WNT3: variants seen among roughly 807,000 people sequenced by gnomAD.
WNT3 encodes the protein Wnt family member 3, also known as proto-oncogene Wnt-3.
Under a neutral mutation model 34.2 loss-of-function variants are expected in WNT3, and 7 were observed. The ratio of observed to expected loss-of-function variants is 0.20; its 90% confidence interval spans 0.12 to 0.38. The LOEUF (loss-of-function observed/expected upper bound fraction) is 0.38, where lower values mean the gene tolerates loss of function less well. WNT3 is among the 10% of genes least tolerant of loss of function. WNT3 has a pLI of 1.00. For missense variants in WNT3, 267 were observed against 499.8 expected, an observed-to-expected ratio of 0.53 and a Z score of 4.44; for synonymous variants, 212 against 211.5, an observed-to-expected ratio of 1.00 and a Z score of -0.02.
intron 1 of WNT3, among the ~76,000 whole-genome samples, chr17:46,786,199 G>T (rs568207624): frequency 6.6e-6 from 1 of 152,012 alleles, no homozygotes; most frequent in Admixed American, 6.5e-5. Context: ...CTGGGGAGGA[G>T]GAAAGAGAGT....
In WNT3 at chr17:46,768,413, C is replaced by T; in HGVS notation, c.975G>A (p.Lys325=). 4 of 1,613,990 alleles carry T rather than the reference C, an allele frequency of 2.5e-6. No homozygotes were observed. The highest frequency in any genetic ancestry group is 3.4e-6 in the Non-Finnish European group (4 of 1,180,026). The change falls in exon 4 of 5, where the codon AAG becomes AAA. Residue 325 remains lysine (K), a synonymous_variant. Coordinates refer to ENST00000225512, the MANE Select transcript of WNT3 (RefSeq NM_030753.5). The surrounding 1 kb of genome is among the most constrained non-coding windows in gnomAD (Gnocchi z 5.0). ...CGRGHNTRTE[K]RKEKCHCIFH... The stretch of plus-strand genomic sequence containing the variant: ...AGATGCAGTGGCATTTTTCCTTCCG[C>T]TTCTCCGTCCTCGTGTTGTGGCCCC...
chr17:46,765,151 C>T (rs539765303), intron 4 of WNT3, among the ~76,000 whole-genome samples: 1 of 152,352 alleles, frequency 6.6e-6, no homozygotes, highest in African/African-American at 2.4e-5. Context: ...GGGTTTGAGG[C>T]ATTCCCAGTC....
At chr17:46,778,031 G>C (rs929960595) in intron 1 of WNT3, among the ~76,000 whole-genome samples, 3 of 152,142 alleles carry the variant, frequency 2.0e-5, no homozygotes, top group African/African-American at 7.2e-5. Context: ...TTCTTTATCG[G>C]TAAAATAGAC....
At chr17:46,772,494 A>C (rs1338391553) in intron 2 of WNT3, among the ~76,000 whole-genome samples, 1 of 152,238 alleles carries the variant, frequency 6.6e-6, no homozygotes, top group Non-Finnish European at 1.5e-5. Context: ...GGGGCACCGG[A>C]AAGCGCTGAG....
chr17:46,784,465 G>A (rs1385044389), intron 1 of WNT3, among the ~76,000 whole-genome samples: 2 of 152,094 alleles, frequency 1.3e-5, no homozygotes, highest in African/African-American at 4.8e-5. Flanking sequence ...TGGGCACACG[G>A]TGGGAGGACA....
At chr17:46,783,679 C>G (rs1224028929) in intron 1 of WNT3, among the ~76,000 whole-genome samples, 2 of 152,168 alleles carry the variant, frequency 1.3e-5, no homozygotes, top group African/African-American at 4.8e-5. Context: ...CAAGTGTGTC[C>G]TCACTGCCTC....
At chr17:46,815,275 G>T (rs1350533847) in intron 1 of WNT3, among the ~76,000 whole-genome samples, 2 of 152,090 alleles carry the variant, frequency 1.3e-5, no homozygotes, top group Non-Finnish European at 2.9e-5. Context: ...TTCCTGTCCC[G>T]GCTCTGTCAC....
intron 1 of WNT3, among the ~76,000 whole-genome samples, chr17:46,816,133 A>T (rs140707264): frequency 2.7e-5 from 1 of 37,582 alleles, no homozygotes; most frequent in Non-Finnish European, 5.9e-5. Context: ...ACACACACTC[A>T]CACACACGCA....
At chr17:46,799,560 A>G (rs2084098460) in intron 1 of WNT3, among the ~76,000 whole-genome samples, 1 of 149,604 alleles carries the variant, frequency 6.7e-6, no homozygotes, top group African/African-American at 2.5e-5. Flanking sequence ...CGATTCTCCC[A>G]TCTCAGCCTC....
At chr17:46,807,851 A>G (rs2084217554) in intron 1 of WNT3, among the ~76,000 whole-genome samples, 1 of 152,228 alleles carries the variant, frequency 6.6e-6, no homozygotes, top group Admixed American at 6.5e-5. Context: ...GAGTTTTCTC[A>G]TAGCCAGGAC....
At chr17:46,780,056 C>T (rs1419529029) in intron 1 of WNT3, among the ~76,000 whole-genome samples, 1 of 152,214 alleles carries the variant, frequency 6.6e-6, no homozygotes, top group African/African-American at 2.4e-5. Context: ...CATGCCTGGC[C>T]ATAGAGAACA....
At position 46,763,622 on chromosome 17, in the gene WNT3, C is replaced by A. The variant is rs2059286687; in HGVS notation, c.*1008G>T. Reference sequence around the variant, plus strand: ...GAATTTCAGGAATTGATGGCTACTCCCTCACGGACCCTTTGTCTAACTTAT... The same window carrying A: ...GAATTTCAGGAATTGATGGCTACTCACTCACGGACCCTTTGTCTAACTTAT... On this transcript the variant is annotated 3_prime_UTR_variant, in exon 5 of 5. Coordinates refer to ENST00000225512, the MANE Select transcript of WNT3 (RefSeq NM_030753.5). 1 of 152,226 alleles carries A rather than the reference C, an allele frequency of 6.6e-6. No homozygotes were observed. The highest frequency in any genetic ancestry group is 6.5e-5 in the Admixed American group (1 of 15,288). The allele number at this position is 152,226 out of a possible 1,614,324, so 9.4% of individuals were successfully genotyped here.
At chr17:46,805,483 G>C (rs1307224690) in intron 1 of WNT3, among the ~76,000 whole-genome samples, 2 of 152,220 alleles carry the variant, frequency 1.3e-5, no homozygotes, top group Admixed American at 6.5e-5. Flanking sequence ...TGAGGCAGGA[G>C]AATCGCTTGA....
intron 1 of WNT3, among the ~76,000 whole-genome samples, chr17:46,787,957 GAAA>G (rs58426374): frequency 2.0e-5 from 2 of 98,456 alleles, no homozygotes; most frequent in Non-Finnish European, 4.4e-5. Flanking sequence ...CTCTGCCTCA[GAAA>G]AAAAAAAAAA....
At chr17:46,816,570 A>G (rs2084352941) in intron 1 of WNT3, among the ~76,000 whole-genome samples, 1 of 151,914 alleles carries the variant, frequency 6.6e-6, no homozygotes, top group Non-Finnish European at 1.5e-5. Context: ...AAATTCCCAA[A>G]CAAGCCATGT....
chr17:46,779,103 A>ACACCC (rs749719578), intron 1 of WNT3, among the ~76,000 whole-genome samples: 28 of 133,664 alleles, frequency 2.1e-4, no homozygotes, highest in East Asian at 1.3e-3. Flanking sequence ...ACACACACAC[A>ACACCC]CCCCAGCCCA....
intron 1 of WNT3, among the ~76,000 whole-genome samples, chr17:46,785,637 G>C (rs961076568): frequency 6.6e-6 from 1 of 152,244 alleles, no homozygotes; most frequent in African/African-American, 2.4e-5. Flanking sequence ...GGCCTTCCGA[G>C]GAGGTGGCAC....
intron 1 of WNT3, among the ~76,000 whole-genome samples, chr17:46,786,122 G>A (rs2059504321): frequency 6.8e-6 from 1 of 147,636 alleles, no homozygotes; most frequent in African/African-American, 2.5e-5. Flanking sequence ...AAGGGAGGAG[G>A]GTGCGAGAGA....
intron 1 of WNT3, among the ~76,000 whole-genome samples, chr17:46,816,515 A>ACACC (rs1185676864): frequency 2.2e-5 from 3 of 134,418 alleles, no homozygotes; most frequent in South Asian, 2.4e-4. Context: ...ACACACACAC[A>ACACC]CCTCTCTCCT....
Sources: allele counts gnomAD v4.1 joint callset (sites outside exome capture counted in the v4.1 genomes callset), GRCh38; gene constraint gnomAD v4.1.1; non-coding constraint Gnocchi (gnomAD v3.1); transcripts MANE v1.5; gene names NCBI Gene and HGNC (gene_info 2026-07-23, HGNC 2026-07-21).